The following EFCAB6 variants were observed in gnomAD, a reference collection of about 807,000 sequenced individuals.
EFCAB6 encodes EF-hand calcium binding domain 6, also known as EF-hand calcium-binding domain-containing protein 6.
In EFCAB6, 156 loss-of-function variants were observed where a neutral mutation model predicts 169.8. The observed-to-expected ratio is 0.92, with a 90% CI of 0.81 to 1.05. EFCAB6 has a LOEUF of 1.05. Among genes scored for constraint, EFCAB6 ranks in the 50% least tolerant of loss-of-function variants. The pLI, the probability that EFCAB6 is intolerant of heterozygous loss-of-function variation, is 0.00. For missense variants in EFCAB6, 1,800 were observed against 1,829.1 expected, an observed-to-expected ratio of 0.98 and a Z score of 0.29; for synonymous variants, 698 against 676.4, an observed-to-expected ratio of 1.03 and a Z score of -0.50.
intron 25 of EFCAB6, among the ~76,000 whole-genome samples, chr22:43,577,237 A>G (rs997484474): frequency 5.3e-5 from 8 of 152,164 alleles, no homozygotes; most frequent in African/African-American, 1.9e-4. Flanking sequence ...AAATAAAATC[A>G]TTCATTTTTA....
chr22:43,546,872 C>CAA (rs550158459), intron 27 of EFCAB6, among the ~76,000 whole-genome samples: 3 of 113,940 alleles, frequency 2.6e-5, no homozygotes, highest in African/African-American at 6.4e-5. Flanking sequence ...GACTCTGTCT[C>CAA]AAAAAAAAAA....
intron 22 of EFCAB6, among the ~76,000 whole-genome samples, chr22:43,608,059 C>T (rs1462976261): frequency 6.6e-6 from 1 of 152,186 alleles, no homozygotes; most frequent in African/African-American, 2.4e-5. Flanking sequence ...AACAGTTGTG[C>T]AGCATTAATT....
intron 4 of EFCAB6, among the ~76,000 whole-genome samples, chr22:43,771,442 AAATT>A (rs1219891730): frequency 3.9e-5 from 6 of 152,238 alleles, no homozygotes; most frequent in Non-Finnish European, 5.9e-5. Flanking sequence ...AATAAAAAAT[AAATT>A]AATTAATTAA....
chr22:43,715,840 G>A (rs2059316364), intron 9 of EFCAB6, among the ~76,000 whole-genome samples: 1 of 152,134 alleles, frequency 6.6e-6, no homozygotes, highest in Non-Finnish European at 1.5e-5. Flanking sequence ...ATATGACAGT[G>A]CTCACTTCTC....
chr22:43,795,819 AAC>A lies in EFCAB6; in HGVS notation c.-8+13174_-8+13175del, dbSNP rs140641457. 0.017 allele frequency among the ~76,000 whole-genome samples: 2,596 copies of A among 148,658 alleles called. 103 individuals carry two copies. The highest frequency in any genetic ancestry group is 0.14 in the East Asian group (703 of 5,032). On this transcript the variant is annotated intron_variant, in intron 2 of 31. Transcript: ENST00000262726. This position sits in a 1 kb window ranked among gnomAD's most constrained non-coding sequence, Gnocchi z 4.2. ...GCCATTCAGACAGCACTCGCCTCCC[AAC>A]ACACACACACACACACACACTACAC... is the stretch of plus-strand genomic sequence containing the variant.
At chr22:43,584,898 C>T (rs369485610) in intron 24 of EFCAB6, among the ~76,000 whole-genome samples, 9 of 152,136 alleles carry the variant, frequency 5.9e-5, no homozygotes, top group Admixed American at 6.5e-5. Flanking sequence ...TAGGGAAACC[C>T]AGAAAACAGG....
At chr22:43,578,243 G>C (rs986419206) in intron 25 of EFCAB6, among the ~76,000 whole-genome samples, 1 of 152,160 alleles carries the variant, frequency 6.6e-6, no homozygotes, top group Non-Finnish European at 1.5e-5. Context: ...GCCCCACCTT[G>C]CAAGGTTATG....
intron 23 of EFCAB6, among the ~76,000 whole-genome samples, chr22:43,599,023 T>C (rs1429954013): frequency 6.6e-6 from 1 of 152,126 alleles, no homozygotes; most frequent in Non-Finnish European, 1.5e-5. Context: ...CTGCACAGCA[T>C]CTTCTGGTCC....
chr22:43,675,928 T>G (rs2057736984), intron 13 of EFCAB6, among the ~76,000 whole-genome samples: 1 of 151,946 alleles, frequency 6.6e-6, no homozygotes, highest in Non-Finnish European at 1.5e-5. Flanking sequence ...AATGGAGATC[T>G]GTGCACAAAG....
intron 26 of EFCAB6, among the ~76,000 whole-genome samples, chr22:43,571,768 C>G (rs1220332777): frequency 6.6e-6 from 1 of 152,206 alleles, no homozygotes; most frequent in Non-Finnish European, 1.5e-5. Flanking sequence ...AAACTCTCAC[C>G]TACTCTGTCA....
At chr22:43,608,635 G>C (rs756910194) in intron 21 of EFCAB6, 35 bp from the exon 22 acceptor site, 2 of 1,593,352 alleles carry the variant, frequency 1.3e-6, no homozygotes, top group South Asian at 2.2e-5. Context: ...AGGAACATGT[G>C]AAATGTGCGT....
intron 17 of EFCAB6, among the ~76,000 whole-genome samples, chr22:43,640,683 T>C (rs754096717): frequency 8.5e-5 from 13 of 152,228 alleles, no homozygotes; most frequent in Non-Finnish European, 1.6e-4. Context: ...ACTCTTGCTA[T>C]TCCCATCTTC....
At chr22:43,741,274 G>A (rs2060359944) in intron 6 of EFCAB6, among the ~76,000 whole-genome samples, 1 of 152,066 alleles carries the variant, frequency 6.6e-6, no homozygotes. Context: ...AGTGTACTGG[G>A]GCTCTTCTCA....
chr22:43,530,604 G>C, intron 31 of EFCAB6: 10 of 985,464 alleles, frequency 1.0e-5, no homozygotes, highest in Non-Finnish European at 1.2e-5. Flanking sequence ...CAGGGCTCCA[G>C]CAACCTTTGG....
intron 10 of EFCAB6, among the ~76,000 whole-genome samples, chr22:43,709,356 A>T (rs1168221684): frequency 6.6e-6 from 1 of 152,198 alleles, no homozygotes; most frequent in Non-Finnish European, 1.5e-5. Context: ...TGCTGGAATT[A>T]CATGCATGAA....
intron 20 of EFCAB6, among the ~76,000 whole-genome samples, chr22:43,619,553 A>G (rs1218996036): frequency 1.3e-5 from 2 of 152,236 alleles, no homozygotes; most frequent in Admixed American, 1.3e-4. Flanking sequence ...AAGAGCAAAC[A>G]TACTTGAAAG....
chr22:43,641,870 G>A (rs1031813516), intron 17 of EFCAB6, among the ~76,000 whole-genome samples: 3 of 152,206 alleles, frequency 2.0e-5, no homozygotes, highest in Admixed American at 6.5e-5. Flanking sequence ...CCAAGGGAGA[G>A]ATTCCTGTTT....
At chr22:43,746,787 C>G (rs899297500) in intron 6 of EFCAB6, among the ~76,000 whole-genome samples, 1 of 152,306 alleles carries the variant, frequency 6.6e-6, no homozygotes, top group African/African-American at 2.4e-5. Flanking sequence ...GGCTGCTGAT[C>G]TATAAGAAAT....
chr22:43,781,780 T>G (rs781407175), intron 3 of EFCAB6, among the ~76,000 whole-genome samples: 2 of 152,122 alleles, frequency 1.3e-5, no homozygotes, highest in Non-Finnish European at 2.9e-5. Flanking sequence ...ATATGAGATG[T>G]TAATTATGGG....
Sources: allele counts gnomAD v4.1 joint callset (sites outside exome capture counted in the v4.1 genomes callset), GRCh38; gene constraint gnomAD v4.1.1; non-coding constraint Gnocchi (gnomAD v3.1); transcripts MANE v1.5; gene names NCBI Gene and HGNC (gene_info 2026-07-23, HGNC 2026-07-21).